The following TSHR variants were observed in gnomAD, a reference collection of about 807,000 sequenced individuals.
TSHR encodes the protein thyrotropin receptor.
TSHR carries 51 observed loss-of-function variants against 64.1 expected under a neutral mutation model. The ratio of observed to expected loss-of-function variants is 0.80; its 90% CI spans 0.64 to 1.01. The LOEUF (loss-of-function observed/expected upper bound fraction) is 1.01. Among genes scored for constraint, TSHR ranks in the 50% least tolerant of loss-of-function variants. The pLI is 0.00. For missense variants in TSHR, 877 were observed against 942.8 expected, an observed-to-expected ratio of 0.93 and a Z score of 0.91; for synonymous variants, 361 against 361.9, an observed-to-expected ratio of 1.00 and a Z score of 0.03.
chr14:80,977,527 T>A (rs1887942162), intron 1 of TSHR, among the ~76,000 whole-genome samples: 1 of 152,184 alleles, frequency 6.6e-6, no homozygotes, highest in Non-Finnish European at 1.5e-5. Context: ...CCAAGAGATG[T>A]TTTTCTGCAC....
chr14:80,990,078 G>A (rs925513064), intron 1 of TSHR, among the ~76,000 whole-genome samples: 1 of 152,208 alleles, frequency 6.6e-6, no homozygotes, highest in African/African-American at 2.4e-5. Flanking sequence ...AAGCTATACT[G>A]GATTGAAATG....
intron 1 of TSHR, among the ~76,000 whole-genome samples, chr14:81,037,419 C>CAAAAAAAAAAAAAAAAAAAA (rs748986847): frequency 2.0e-5 from 2 of 99,054 alleles, no homozygotes; most frequent in African/African-American, 3.8e-5. Context: ...AAAGGAAATA[C>CAAAAAAAAAAAAAAAAAAAA]AAAACAAACA....
chr14:81,143,891 G>T lies in TSHR; in HGVS notation c.1833G>T (p.Pro611=), dbSNP rs374858561. 1 of 1,614,000 alleles carries T rather than the reference G, an allele frequency of 6.2e-7. No homozygotes were observed. The highest frequency in any genetic ancestry group is 1.6e-4 in the Middle Eastern group (1 of 6,062). Residue 611 remains proline, a synonymous_variant, in exon 10 of 10, where the codon CCG becomes CCT. Coordinates refer to ENST00000298171, the MANE Select transcript of TSHR (RefSeq NM_000369.5). ...AGATCTACATCACAGTCCGAAATCCGCAGTACAACCCAGGGGACAAAGATA... is the reference window on the plus strand; with the variant it reads ...AGATCTACATCACAGTCCGAAATCCTCAGTACAACCCAGGGGACAAAGATA... ...YVKIYITVRN[P]QYNPGDKDTK...
intron 1 of TSHR, among the ~76,000 whole-genome samples, chr14:81,026,712 G>A (rs1211362664): frequency 6.6e-6 from 1 of 151,924 alleles, no homozygotes; most frequent in Non-Finnish European, 1.5e-5. Context: ...TGGGATAGAA[G>A]TAAAAGAGCA....
intron 1 of TSHR, among the ~76,000 whole-genome samples, chr14:81,038,301 C>T (rs988324968): frequency 2.6e-5 from 4 of 151,406 alleles, no homozygotes; most frequent in Non-Finnish European, 4.4e-5. Context: ...AATGGAAACA[C>T]AACACACCTC....
chr14:80,994,723 A>G (rs1439437405), intron 1 of TSHR: 2 of 152,228 alleles, frequency 1.3e-5, no homozygotes. Context: ...ATATACAAAA[A>G]TTAACTCAAG....
chr14:80,973,766 T>A (rs191101908), intron 1 of TSHR, among the ~76,000 whole-genome samples: 31 of 152,338 alleles, frequency 2.0e-4, no homozygotes, highest in South Asian at 4.1e-4. Context: ...TGCCTTTTTT[T>A]AAAATCTCCA....
At chr14:81,113,224 G>A (rs1293408513) in intron 8 of TSHR, among the ~76,000 whole-genome samples, 1 of 152,216 alleles carries the variant, frequency 6.6e-6, no homozygotes, top group East Asian at 1.9e-4. Context: ...ATCTGATCCT[G>A]ACTATATTTT....
In TSHR at chr14:81,143,673, T is replaced by C; in HGVS notation, c.1615T>C (p.Cys539Arg). 1 of 1,614,196 alleles carries C rather than the reference T, an allele frequency of 6.2e-7. No individual in the cohort carries two copies. Among genetic ancestry groups the C allele is most frequent in the Non-Finnish European group, 8.5e-7 (1 of 1,180,034 alleles). Residue 539 changes from cysteine (C) to arginine (R), a missense_variant, in exon 10 of 10, where the codon TGT becomes CGT. Transcript: ENST00000298171. ...CCGGAAGATCCGCCTCAGGCACGCA[T>C]GTGCCATCATGGTTGGGGGCTGGGT... Reference protein sequence around the residue: ...LDRKIRLRHACAIMVGGWVCC... With the variant: ...LDRKIRLRHARAIMVGGWVCC...
chr14:81,089,421 T>G (rs141292400), intron 4 of TSHR, among the ~76,000 whole-genome samples: 427 of 152,340 alleles, frequency 2.8e-3, no homozygotes, highest in African/African-American at 9.8e-3. Flanking sequence ...TCTTATGGAC[T>G]CTGAGTTTCA....
intron 8 of TSHR, among the ~76,000 whole-genome samples, chr14:81,123,118 C>G (rs1890874355): frequency 1.4e-5 from 2 of 138,580 alleles, no homozygotes; most frequent in African/African-American, 6.1e-5. Flanking sequence ...CAGAGCAAGA[C>G]TCCGTCTAAG....
chr14:81,145,607 A>T lies in TSHR; in HGVS notation c.*1254A>T, dbSNP rs951317254. On this transcript the variant is annotated 3_prime_UTR_variant, in exon 10 of 10. Coordinates refer to ENST00000298171, the MANE Select transcript of TSHR (RefSeq NM_000369.5). Reference sequence around the variant, plus strand: ...TACTTCACTATGAAGAGTCACTTCAAAACACTTCGCTTGTCTTTAGGGATG... The same window carrying T: ...TACTTCACTATGAAGAGTCACTTCATAACACTTCGCTTGTCTTTAGGGATG... 1.7e-5 allele frequency: 4 copies of T among 233,070 alleles called. No individual in the cohort carries two copies. The highest frequency in any genetic ancestry group is 2.5e-5 in the Non-Finnish European group (3 of 118,020). The allele number at this position is 233,070 out of a possible 1,614,324, so 14.4% of individuals were successfully genotyped here. A position where few individuals can be genotyped will look rare whatever the true frequency, so the allele number is the denominator to read the frequency against.
intron 8 of TSHR, among the ~76,000 whole-genome samples, chr14:81,121,546 A>G (rs894682835): frequency 2.0e-5 from 3 of 152,182 alleles, no homozygotes; most frequent in Non-Finnish European, 4.4e-5. Flanking sequence ...AGCAAATAGA[A>G]TCCCCAGGAT....
chr14:81,002,773 T>C, intron 1 of TSHR, among the ~76,000 whole-genome samples: 2 of 106,746 alleles, frequency 1.9e-5, no homozygotes, highest in East Asian at 4.1e-4. Flanking sequence ...TTAAGGTCCC[T>C]AATGCCTCTT....
At chr14:81,009,093 C>T (rs547449105) in intron 1 of TSHR, among the ~76,000 whole-genome samples, 2 of 152,262 alleles carry the variant, frequency 1.3e-5, no homozygotes, top group African/African-American at 2.4e-5. Flanking sequence ...AGCTAATAAT[C>T]GCTTCAGTAT....
At chr14:81,100,154 T>C (rs1889483316) in intron 7 of TSHR, among the ~76,000 whole-genome samples, 1 of 152,218 alleles carries the variant, frequency 6.6e-6, no homozygotes, top group African/African-American at 2.4e-5. Flanking sequence ...TGGGTGTTAC[T>C]TTTTAAAAGA....
intron 1 of TSHR, among the ~76,000 whole-genome samples, chr14:80,986,605 G>C (rs1163152726): frequency 6.6e-6 from 1 of 151,972 alleles, no homozygotes; most frequent in Non-Finnish European, 1.5e-5. Context: ...TCCTGTCTCA[G>C]CCTTCCAAGT....
intron 1 of TSHR, among the ~76,000 whole-genome samples, chr14:80,972,922 A>C (rs179257): frequency 0.61 from 92,053 of 151,994 alleles, 28,678 homozygotes; most frequent in East Asian, 0.8. Flanking sequence ...GTTTCATCTA[A>C]ATTGTAGGGT....
chr14:80,990,031 T>C (rs1375687778), intron 1 of TSHR, among the ~76,000 whole-genome samples: 2 of 152,234 alleles, frequency 1.3e-5, no homozygotes, highest in Non-Finnish European at 2.9e-5. Flanking sequence ...TTCCTTATAA[T>C]ATCCAATATA....
Sources: allele counts gnomAD v4.1 joint callset (sites outside exome capture counted in the v4.1 genomes callset), GRCh38; gene constraint gnomAD v4.1.1; transcripts MANE v1.5; gene names NCBI Gene and HGNC (gene_info 2026-07-23, HGNC 2026-07-21).